SSBP2: variants seen among roughly 807,000 people sequenced by gnomAD.
SSBP2 encodes single stranded DNA binding protein 2, also known as single-stranded DNA-binding protein 2.
Under a neutral mutation model 61.8 loss-of-function variants are expected in SSBP2, and 17 were observed. The observed-to-expected ratio is 0.28, with a 90% CI of 0.19 to 0.41. The LOEUF (loss-of-function observed/expected upper bound fraction) is 0.41, where lower values mean the gene tolerates loss of function less well. Among genes scored for constraint, SSBP2 ranks in the 10% least tolerant of loss-of-function variants. SSBP2 has a pLI of 1.00. For missense variants in SSBP2, 310 were observed against 458.7 expected (o/e 0.68, Z 2.96); for synonymous variants, 139 against 141.3 (o/e 0.98, Z 0.12).
chr5:81,587,830 T>C (rs1048064284), intron 4 of SSBP2, among the ~76,000 whole-genome samples: 2 of 151,408 alleles, frequency 1.3e-5, no homozygotes, highest in African/African-American at 4.9e-5. Flanking sequence ...AGCGAAAGGG[T>C]ATAGAAGAAA....
chr5:81,646,996 A>C (rs1424471054), intron 2 of SSBP2, among the ~76,000 whole-genome samples: 2 of 152,138 alleles, frequency 1.3e-5, no homozygotes, highest in Non-Finnish European at 2.9e-5. Flanking sequence ...TGAGGGAGGA[A>C]ATAGCAAACT....
intron 2 of SSBP2, among the ~76,000 whole-genome samples, chr5:81,638,079 A>C (rs375348779): frequency 6.7e-5 from 9 of 133,510 alleles, no homozygotes; most frequent in Middle Eastern, 4.1e-3. Flanking sequence ...CAGGAAGGGG[A>C]AAATCACACT....
chr5:81,616,887 G>A (rs975685996), intron 3 of SSBP2, among the ~76,000 whole-genome samples: 2 of 152,016 alleles, frequency 1.3e-5, no homozygotes, highest in Non-Finnish European at 2.9e-5. Flanking sequence ...CTACAGCTGA[G>A]GGTCCTGTCT....
At chr5:81,452,960 A>C (rs969129355) in intron 10 of SSBP2, among the ~76,000 whole-genome samples, 1 of 152,054 alleles carries the variant, frequency 6.6e-6, no homozygotes, top group Non-Finnish European at 1.5e-5. Context: ...GAAAAAAAAA[A>C]AAAGCAGCCA....
chr5:81,522,905 A>T (rs745983742), intron 4 of SSBP2, among the ~76,000 whole-genome samples: 1 of 152,106 alleles, frequency 6.6e-6, no homozygotes, highest in Non-Finnish European at 1.5e-5. Context: ...TCAATCCTTT[A>T]GGCTTCCAAA....
chr5:81,675,480 G>C (rs765550350), intron 1 of SSBP2, among the ~76,000 whole-genome samples: 1 of 152,130 alleles, frequency 6.6e-6, no homozygotes, highest in Non-Finnish European at 1.5e-5. Flanking sequence ...TTTTAGGGAT[G>C]CCAAAATAAA....
chr5:81,588,593 C>A (rs1327095072), intron 4 of SSBP2, among the ~76,000 whole-genome samples: 1 of 151,860 alleles, frequency 6.6e-6, no homozygotes, highest in African/African-American at 2.4e-5. Flanking sequence ...AGGAAGGTAA[C>A]TTTATCTCTA....
chr5:81,684,458 G>A (rs1390316550), intron 1 of SSBP2, among the ~76,000 whole-genome samples: 1 of 152,110 alleles, frequency 6.6e-6, no homozygotes, highest in Admixed American at 6.6e-5. Context: ...AGGGATGAAT[G>A]GGCAGAATAC....
intron 4 of SSBP2, among the ~76,000 whole-genome samples, chr5:81,564,007 C>A (rs1773246128): frequency 6.6e-6 from 1 of 152,086 alleles, no homozygotes; most frequent in Admixed American, 6.5e-5. Flanking sequence ...GGTTCATCCC[C>A]AAAATATATA....
Position 81,707,927 on chromosome 5 carries a change from G to A in SSBP2, c.62+43054C>T, listed in dbSNP as rs376841805. The stretch of plus-strand genomic sequence containing the variant: ...AAGATTTGCAATTTACTTAACACAC[G>A]TTGCTTTAAGAAAAAGAGCATAAAG... On this transcript the variant is annotated intron_variant, in intron 1 of 16. Transcript: ENST00000320672. Among the ~76,000 whole-genome samples the A allele has an allele frequency of 1.1e-4, 16 of 152,184 alleles. No individual in the cohort carries two copies. The East Asian group carries it at 2.1e-3, about 20-fold the overall frequency.
At chr5:81,437,326 C>T in intron 15 of SSBP2, 104 bp downstream of exon 15, 1 of 1,088,760 alleles carries the variant, frequency 9.2e-7, no homozygotes, top group Non-Finnish European at 1.4e-6. Flanking sequence ...TACTTTCAAA[C>T]TCTTGTTCAA....
At chr5:81,508,774 T>C (rs558985964) in intron 5 of SSBP2, among the ~76,000 whole-genome samples, 2 of 152,268 alleles carry the variant, frequency 1.3e-5, no homozygotes, top group Admixed American at 6.5e-5. Context: ...AAAAGGAGTA[T>C]GTTTGTCTAT....
chr5:81,555,387 G>A (rs1772516182), intron 4 of SSBP2, among the ~76,000 whole-genome samples: 1 of 151,654 alleles, frequency 6.6e-6, no homozygotes, highest in South Asian at 2.1e-4. Flanking sequence ...TCATTTTCAG[G>A]GACTACTCAT....
chr5:81,573,067 A>T (rs1773946310), intron 4 of SSBP2, among the ~76,000 whole-genome samples: 1 of 152,192 alleles, frequency 6.6e-6, no homozygotes, highest in Non-Finnish European at 1.5e-5. Flanking sequence ...TTTTCAAATG[A>T]CATTAAATGT....
At chr5:81,585,072 A>C (rs1774959673) in intron 4 of SSBP2, among the ~76,000 whole-genome samples, 2 of 152,136 alleles carry the variant, frequency 1.3e-5, no homozygotes, top group Admixed American at 6.5e-5. Flanking sequence ...TCTAGAATCC[A>C]CAAAAGCAGA....
Position 81,448,840 on chromosome 5 carries a change from G to A in SSBP2, c.688-15C>T. 2 of 1,608,226 alleles carry A rather than the reference G, an allele frequency of 1.2e-6. No individual in the cohort carries two copies. The highest frequency in any genetic ancestry group is 1.7e-6 in the Non-Finnish European group (2 of 1,177,940). The stretch of plus-strand genomic sequence containing the variant: ...GAGTATGGTATCTGGAACACGAATA[G>A]GACAAAAAAATTTTTGATTCATGTA... On this transcript the variant is annotated splice_polypyrimidine_tract_variant and intron_variant, in intron 10 of 16. Coordinates refer to ENST00000320672, the MANE Select transcript of SSBP2 (RefSeq NM_012446.5).
intron 8 of SSBP2, among the ~76,000 whole-genome samples, chr5:81,471,284 TTC>T (rs1309634908): frequency 1.3e-5 from 2 of 151,940 alleles, no homozygotes; most frequent in African/African-American, 2.4e-5. Context: ...CTGTCTTATT[TTC>T]TGTTGTAATT....
At chr5:81,615,614 C>T in intron 3 of SSBP2, 57 bp from the exon 4 acceptor site, 1 of 1,141,360 alleles carries the variant, frequency 8.8e-7, no homozygotes, top group Non-Finnish European at 1.3e-6. Context: ...TATGAGAAAT[C>T]ACAATTCCAA....
intron 12 of SSBP2, chr5:81,442,946 A>C: frequency 3.0e-6 from 1 of 338,360 alleles, no homozygotes; most frequent in Non-Finnish European, 5.3e-6. Flanking sequence ...TCAATAATTC[A>C]GGTAAAAGGA....
Sources: gnomAD v4.1 joint callset for allele counts (sites outside exome capture counted in the v4.1 genomes callset) on GRCh38, gnomAD v4.1.1 for gene constraint, MANE v1.5 for transcripts, NCBI Gene and HGNC (gene_info 2026-07-23, HGNC 2026-07-21) for gene names.